Variants in WWOX observed in about 807,000 individuals in gnomAD.
The protein encoded by WWOX is WW domain containing oxidoreductase, also known as WW domain-containing oxidoreductase.
Under a neutral mutation model 46.2 loss-of-function variants are expected in WWOX, and 69 were observed. The ratio of observed to expected loss-of-function variants is 1.49; its 90% CI spans 1.23 to 1.82. The LOEUF (loss-of-function observed/expected upper bound fraction) is 1.82. Among genes scored for constraint, WWOX ranks in the 40% most tolerant of loss-of-function variants. The pLI is 0.00. For synonymous variants in WWOX, 359 were observed against 202.6 expected, an observed-to-expected ratio of 1.77 and a Z score of -6.56; for missense variants, 919 against 542.6, an observed-to-expected ratio of 1.69 and a Z score of -6.89.
chr16:79,039,858 G>T (rs2047938197), intron 8 of WWOX, among the ~76,000 whole-genome samples: 1 of 152,136 alleles, frequency 6.6e-6, no homozygotes, highest in African/African-American at 2.4e-5. Flanking sequence ...TACCAGTCAG[G>T]AGTTGCTTCT....
intron 8 of WWOX, among the ~76,000 whole-genome samples, chr16:78,718,339 A>C (rs1181758346): frequency 1.3e-5 from 2 of 152,062 alleles, no homozygotes. Context: ...TTGTGGTGCC[A>C]AAAAAATTTA....
intron 8 of WWOX, among the ~76,000 whole-genome samples, chr16:79,097,656 G>C (rs142667490): frequency 4.3e-4 from 66 of 152,276 alleles, no homozygotes; most frequent in South Asian, 1.4e-3. Context: ...TTAGGTTTGT[G>C]TGCTAGGGGT....
chr16:78,986,349 A>G (rs1012799945), intron 8 of WWOX, among the ~76,000 whole-genome samples: 2 of 152,204 alleles, frequency 1.3e-5, no homozygotes, highest in African/African-American at 4.8e-5. Flanking sequence ...TCAGAGCTTT[A>G]TGAAGGCATA....
intron 8 of WWOX, among the ~76,000 whole-genome samples, chr16:78,791,713 A>C (rs2050605518): frequency 6.6e-6 from 1 of 152,092 alleles, no homozygotes; most frequent in Non-Finnish European, 1.5e-5. Context: ...CCCCGTCTCT[A>C]CTAAAAATGC....
At chr16:79,019,522 T>C (rs1185327619) in intron 8 of WWOX, among the ~76,000 whole-genome samples, 1 of 152,148 alleles carries the variant, frequency 6.6e-6, no homozygotes, top group Non-Finnish European at 1.5e-5. Flanking sequence ...ATATGCAGTC[T>C]GTCATTGACT....
chr16:78,985,207 G>A (rs1417191512), intron 8 of WWOX, among the ~76,000 whole-genome samples: 1 of 152,226 alleles, frequency 6.6e-6, no homozygotes, highest in African/African-American at 2.4e-5. Context: ...TAACTCTGGA[G>A]AGAGCTCCAT....
chr16:78,786,902 C>T (rs1392853131), intron 8 of WWOX, among the ~76,000 whole-genome samples: 1 of 152,182 alleles, frequency 6.6e-6, no homozygotes, highest in Non-Finnish European at 1.5e-5. Flanking sequence ...AATCCCAACA[C>T]TTTGGGAGGC....
chr16:78,234,031 A>C (rs779160333), intron 5 of WWOX, among the ~76,000 whole-genome samples: 2 of 152,170 alleles, frequency 1.3e-5, no homozygotes, highest in African/African-American at 2.4e-5. Flanking sequence ...GCCTGGGAAT[A>C]GGATGGCAGG....
At chr16:78,917,364 C>G (rs896908435) in intron 8 of WWOX, among the ~76,000 whole-genome samples, 2 of 152,162 alleles carry the variant, frequency 1.3e-5, no homozygotes, top group African/African-American at 4.8e-5. Context: ...TTAAATACCT[C>G]TAGATGCTTA....
At chr16:78,783,317 G>T (rs1039672201) in intron 8 of WWOX, among the ~76,000 whole-genome samples, 4 of 152,220 alleles carry the variant, frequency 2.6e-5, no homozygotes, top group African/African-American at 9.7e-5. Flanking sequence ...AATGAAACAT[G>T]CCATGGCCAG....
chr16:78,619,112 G>A (rs1348481850), intron 8 of WWOX, among the ~76,000 whole-genome samples: 11 of 105,990 alleles, frequency 1.0e-4, no homozygotes, highest in Middle Eastern at 4.9e-3. Flanking sequence ...CCTGGCCAAC[G>A]TGGCAAAACC....
chr16:78,360,501 C>T (rs1468730442), intron 5 of WWOX, among the ~76,000 whole-genome samples: 1 of 146,680 alleles, frequency 6.8e-6, no homozygotes, highest in Non-Finnish European at 1.5e-5. Flanking sequence ...ATGAGAATCA[C>T]TTGAAGCTGG....
chr16:78,924,279 A>G (rs1039339742), intron 8 of WWOX, among the ~76,000 whole-genome samples: 2 of 152,170 alleles, frequency 1.3e-5, no homozygotes, highest in South Asian at 2.1e-4. Context: ...GACAAGTTTT[A>G]TAAGATTTTA....
chr16:78,836,826 C>T (rs1260916717), intron 8 of WWOX, among the ~76,000 whole-genome samples: 1 of 152,138 alleles, frequency 6.6e-6, no homozygotes, highest in Non-Finnish European at 1.5e-5. Flanking sequence ...GATTCCTAAT[C>T]ACGGGACTGA....
intron 8 of WWOX, among the ~76,000 whole-genome samples, chr16:79,128,283 G>A (rs142292427): frequency 3.9e-4 from 59 of 151,636 alleles, no homozygotes; most frequent in Middle Eastern, 3.4e-3. Context: ...TCCAATCCAC[G>A]TGTGTTCAGA....
intron 8 of WWOX, among the ~76,000 whole-genome samples, chr16:79,173,829 C>A (rs1199371322): frequency 7.0e-6 from 1 of 143,076 alleles, no homozygotes; most frequent in Non-Finnish European, 1.5e-5. Context: ...ATGAGAGATA[C>A]TCTCTGACTA....
At position 78,781,066 on chromosome 16, in the gene WWOX, A is replaced by G. The variant is rs372441310; in HGVS notation, c.1056+348314A>G. ...TGTTTTGCAGCTGCAACCTCAAAAC[A>G]GAAGCCTCCTAATTACCAGGTAGCT... On this transcript the variant is annotated intron_variant, in intron 8 of 8. Coordinates refer to ENST00000566780, the MANE Select transcript of WWOX (RefSeq NM_016373.4). 3.9e-5 allele frequency among the ~76,000 whole-genome samples: 6 copies of G among 152,280 alleles called. 1 individual carries two copies. The highest frequency in any genetic ancestry group is 1.2e-4 in the African/African-American group (5 of 41,572).
intron 8 of WWOX, among the ~76,000 whole-genome samples, chr16:78,661,965 G>A (rs955895373): frequency 6.6e-6 from 1 of 152,156 alleles, no homozygotes; most frequent in Non-Finnish European, 1.5e-5. Context: ...GATCATTTGA[G>A]CCCGGTAGAT....
rs1406823066 is a variant in WWOX at position 78,293,990 on chromosome 16, A to AC, written c.517-92870_517-92869insC. Among the ~76,000 whole-genome samples, 978 of 149,136 alleles carry AC rather than the reference A, an allele frequency of 6.6e-3. 9 individuals are homozygous for AC. The highest frequency in any genetic ancestry group is 0.012 in the South Asian group (56 of 4,644). On this transcript the variant is annotated intron_variant, in intron 5 of 8. Transcript: ENST00000566780. ...AGACTCTGTCTCAGAAAAAAAAAAA[A>AC]AAAAAAAAAAAAAAAAAAAAGGCTT...
Sources: allele counts gnomAD v4.1 joint callset (sites outside exome capture counted in the v4.1 genomes callset), GRCh38; gene constraint gnomAD v4.1.1; transcripts MANE v1.5; gene names NCBI Gene and HGNC (gene_info 2026-07-23, HGNC 2026-07-21).